FOCAD: variants seen among roughly 807,000 people sequenced by gnomAD.
FOCAD encodes KIAA1797.
A neutral mutation model predicts 225.6 loss-of-function variants in FOCAD; 198 were observed. The observed-to-expected ratio is 0.88, with a 90% CI of 0.78 to 0.99. The LOEUF is 0.99. Among genes scored for constraint, FOCAD ranks in the 50% least tolerant of loss-of-function variants. FOCAD has a pLI of 0.00. For missense variants in FOCAD, 2,713 were observed against 2,123.6 expected (o/e 1.28, Z -5.46); for synonymous variants, 897 against 755.0 (o/e 1.19, Z -3.08).
At chr9:20,667,296 G>A (rs1314841726) in intron 2 of FOCAD, among the ~76,000 whole-genome samples, 2 of 152,094 alleles carry the variant, frequency 1.3e-5, no homozygotes, top group African/African-American at 4.8e-5. Flanking sequence ...ATATACTTTA[G>A]GAAAAAACTA....
At chr9:20,942,080 C>T (rs1346633010) in intron 28 of FOCAD, among the ~76,000 whole-genome samples, 1 of 152,122 alleles carries the variant, frequency 6.6e-6, no homozygotes, top group Non-Finnish European at 1.5e-5. Flanking sequence ...GGGACCTATT[C>T]AGAGGGGCAA....
intron 21 of FOCAD, among the ~76,000 whole-genome samples, chr9:20,886,849 G>A (rs535231445): frequency 6.6e-6 from 1 of 152,218 alleles, no homozygotes; most frequent in Non-Finnish European, 1.5e-5. Context: ...TTTCAGAGCT[G>A]GTTAATAAAA....
intron 11 of FOCAD, among the ~76,000 whole-genome samples, chr9:20,808,039 T>C (rs1822648279): frequency 6.6e-6 from 1 of 151,396 alleles, no homozygotes; most frequent in African/African-American, 2.4e-5. Flanking sequence ...AGAGTGAGAC[T>C]CCGTCTAAGA....
chr9:20,897,207 G>A (rs1832163654), intron 21 of FOCAD, among the ~76,000 whole-genome samples: 1 of 151,682 alleles, frequency 6.6e-6, no homozygotes, highest in Admixed American at 6.6e-5. Flanking sequence ...ATTAATATAG[G>A]TCTTCCTGCT....
intron 35 of FOCAD, among the ~76,000 whole-genome samples, chr9:20,971,124 G>A (rs1839722127): frequency 6.6e-6 from 1 of 152,074 alleles, no homozygotes; most frequent in African/African-American, 2.4e-5. Flanking sequence ...ATTAGCTAGT[G>A]CTGACAGAGA....
chr9:20,750,199 C>G (rs1177321218), intron 5 of FOCAD, among the ~76,000 whole-genome samples: 1 of 152,030 alleles, frequency 6.6e-6, no homozygotes, highest in Non-Finnish European at 1.5e-5. Flanking sequence ...CATGAATCAA[C>G]CAGTTTAAGA....
chr9:20,733,207 C>A (rs940165966), intron 4 of FOCAD, among the ~76,000 whole-genome samples: 1 of 152,106 alleles, frequency 6.6e-6, no homozygotes, highest in African/African-American at 2.4e-5. Flanking sequence ...CCTCAGAAAT[C>A]TGCTTTTTCA....
At chr9:20,825,075 C>G (rs1824732349) in intron 15 of FOCAD, among the ~76,000 whole-genome samples, 1 of 150,256 alleles carries the variant, frequency 6.7e-6, no homozygotes, top group Admixed American at 6.6e-5. Flanking sequence ...TAGATGTAAT[C>G]TATTTTCCTT....
chr9:20,749,518 C>A (rs962621260), intron 5 of FOCAD, among the ~76,000 whole-genome samples: 1 of 152,108 alleles, frequency 6.6e-6, no homozygotes, highest in Admixed American at 6.6e-5. Context: ...AACTTAAAAT[C>A]TGCAGATTAA....
chr9:20,814,126 G>T (rs1823387450), intron 11 of FOCAD, among the ~76,000 whole-genome samples: 1 of 152,080 alleles, frequency 6.6e-6, no homozygotes. Flanking sequence ...GTGGGATCTT[G>T]TTTGGGTTTT....
At chr9:20,816,771 G>A (rs1823767034) in intron 11 of FOCAD, among the ~76,000 whole-genome samples, 1 of 152,032 alleles carries the variant, frequency 6.6e-6, no homozygotes, top group Non-Finnish European at 1.5e-5. Context: ...ACCAGCTGCA[G>A]ACAGAGCATA....
At chr9:20,688,466 A>G (rs1822791493) in intron 1 of FOCAD, among the ~76,000 whole-genome samples, 1 of 152,170 alleles carries the variant, frequency 6.6e-6, no homozygotes, top group Admixed American at 6.5e-5. Flanking sequence ...AGTCTTGGAC[A>G]TGGGTTTAGG....
chr9:20,750,916 T>C (rs1162498303), intron 5 of FOCAD, among the ~76,000 whole-genome samples: 1 of 152,160 alleles, frequency 6.6e-6, no homozygotes, highest in African/African-American at 2.4e-5. Context: ...TCTGTAGTCC[T>C]GAGCAGTCTT....
chr9:20,663,532 G>A (rs1297708097), intron 2 of FOCAD, among the ~76,000 whole-genome samples: 2 of 151,184 alleles, frequency 1.3e-5, no homozygotes, highest in Non-Finnish European at 2.9e-5. Flanking sequence ...GACTATGTTT[G>A]CAATCTTCCA....
chr9:20,934,506 C>A (rs1026348565), intron 28 of FOCAD, among the ~76,000 whole-genome samples: 1 of 151,870 alleles, frequency 6.6e-6, no homozygotes, highest in Non-Finnish European at 1.5e-5. Flanking sequence ...TGTCCTTTAC[C>A]CACTTGATGT....
intron 1 of FOCAD, among the ~76,000 whole-genome samples, chr9:20,701,626 C>T (rs934443361): frequency 2.6e-5 from 4 of 152,156 alleles, no homozygotes; most frequent in Admixed American, 1.3e-4. Flanking sequence ...ACTCATTGAA[C>T]TTAAACTGAA....
chr9:20,738,753 T>A (rs1407164340), intron 4 of FOCAD, among the ~76,000 whole-genome samples: 1 of 152,196 alleles, frequency 6.6e-6, no homozygotes, highest in African/African-American at 2.4e-5. Flanking sequence ...AATAGAAATA[T>A]AATCTTAGCC....
chr9:20,957,908 G>A (rs1838351782), intron 35 of FOCAD, among the ~76,000 whole-genome samples: 1 of 151,870 alleles, frequency 6.6e-6, no homozygotes, highest in African/African-American at 2.4e-5. Context: ...CCAAGGATTT[G>A]GTGACTATAG....
intron 33 of FOCAD, among the ~76,000 whole-genome samples, chr9:20,949,991 G>A (rs551678472): frequency 6.6e-6 from 1 of 152,144 alleles, no homozygotes; most frequent in African/African-American, 2.4e-5. Context: ...GTGATCAAAG[G>A]GCATGGCAGA....
Sources: allele counts gnomAD v4.1 joint callset (sites outside exome capture counted in the v4.1 genomes callset), GRCh38; gene constraint gnomAD v4.1.1; transcripts MANE v1.5; gene names NCBI Gene and HGNC (gene_info 2026-07-23, HGNC 2026-07-21).